MAGI1: variants seen among roughly 807,000 people sequenced by gnomAD.
MAGI1 encodes membrane-associated guanylate kinase, WW and PDZ domain-containing protein 1.
A neutral mutation model predicts 139.9 loss-of-function variants in MAGI1; 58 were observed. The ratio of observed to expected loss-of-function variants is 0.41; its 90% CI spans 0.34 to 0.52. The LOEUF (loss-of-function observed/expected upper bound fraction) is 0.52. Among genes scored for constraint, MAGI1 ranks in the 20% least tolerant of loss-of-function variants. MAGI1 has a pLI of 0.12. For missense variants in MAGI1, 1,874 were observed against 1,901.6 expected, an observed-to-expected ratio of 0.99 and a Z score of 0.27; for synonymous variants, 812 against 737.9, an observed-to-expected ratio of 1.10 and a Z score of -1.63.
At chr3:65,791,319 A>T (rs1367139593) in intron 1 of MAGI1, among the ~76,000 whole-genome samples, 1 of 152,232 alleles carries the variant, frequency 6.6e-6, no homozygotes, top group Non-Finnish European at 1.5e-5. Context: ...TTCTAGGTAC[A>T]GTCAGCCCTT....
intron 1 of MAGI1, among the ~76,000 whole-genome samples, chr3:65,924,069 G>A (rs2062372430): frequency 6.6e-6 from 1 of 152,150 alleles, no homozygotes; most frequent in Admixed American, 6.5e-5. Flanking sequence ...AATAATTCAA[G>A]GAGATGTATG....
chr3:65,664,165 G>T (rs377414739), intron 1 of MAGI1, among the ~76,000 whole-genome samples: 7 of 152,054 alleles, frequency 4.6e-5, no homozygotes, highest in African/African-American at 1.7e-4. Context: ...TGTCACCTAG[G>T]ATATTTCACA....
At chr3:65,888,950 T>C (rs1475902466) in intron 1 of MAGI1, among the ~76,000 whole-genome samples, 1 of 152,224 alleles carries the variant, frequency 6.6e-6, no homozygotes, top group Non-Finnish European at 1.5e-5. Flanking sequence ...TGTGTATGTT[T>C]ATGTATATAT....
intron 2 of MAGI1, among the ~76,000 whole-genome samples, chr3:65,570,082 T>TATC (rs1455311379): frequency 3.5e-4 from 27 of 77,884 alleles, no homozygotes; most frequent in East Asian, 1.6e-3. Flanking sequence ...TCATTATTAT[T>TATC]ATTATTATTA....
At chr3:65,719,612 C>T (rs956731022) in intron 1 of MAGI1, among the ~76,000 whole-genome samples, 1 of 150,624 alleles carries the variant, frequency 6.6e-6, no homozygotes, top group African/African-American at 2.4e-5. Flanking sequence ...GTGGCATAAT[C>T]ACAGCTCACT....
chr3:65,787,612 T>C (rs1404449013), intron 1 of MAGI1, among the ~76,000 whole-genome samples: 1 of 150,504 alleles, frequency 6.6e-6, no homozygotes, highest in Non-Finnish European at 1.5e-5. Flanking sequence ...CCCTGCCCTC[T>C]GGGACTGCAC....
chr3:65,424,720 T>A (rs12485896), intron 12 of MAGI1, among the ~76,000 whole-genome samples: 8,135 of 152,202 alleles, frequency 0.053, 293 homozygotes, highest in South Asian at 0.12. Context: ...ACTTTAAAAG[T>A]TGAACATTAC....
At chr3:65,455,136 T>C (rs1949306984) in intron 5 of MAGI1, among the ~76,000 whole-genome samples, 1 of 152,114 alleles carries the variant, frequency 6.6e-6, no homozygotes, top group East Asian at 1.9e-4. Flanking sequence ...CAAAAATAAC[T>C]GTAGATTCAC....
At chr3:65,409,693 A>G (rs72892356) in intron 12 of MAGI1, among the ~76,000 whole-genome samples, 2,941 of 152,200 alleles carry the variant, frequency 0.019, 97 homozygotes, top group African/African-American at 0.067. Flanking sequence ...TAATTTTTCA[A>G]TACAAATATG....
intron 1 of MAGI1, among the ~76,000 whole-genome samples, chr3:65,925,552 A>G (rs148619148): frequency 6.6e-6 from 1 of 152,354 alleles, no homozygotes; most frequent in East Asian, 1.9e-4. Context: ...TCCTCTTTCT[A>G]TTTCTATAAC....
chr3:65,504,984 T>A (rs1421396976), intron 2 of MAGI1, among the ~76,000 whole-genome samples: 2 of 152,172 alleles, frequency 1.3e-5, no homozygotes, highest in Non-Finnish European at 2.9e-5. Flanking sequence ...AAATAAAGGA[T>A]AAGAATCTTC....
At chr3:65,377,961 G>A (rs536202749) in intron 17 of MAGI1, among the ~76,000 whole-genome samples, 5 of 152,304 alleles carry the variant, frequency 3.3e-5, no homozygotes, top group African/African-American at 1.2e-4. Context: ...GTAGCACCTT[G>A]CTGATTCTAG....
chr3:65,466,423 G>A (rs562019114), intron 5 of MAGI1, among the ~76,000 whole-genome samples: 3 of 152,248 alleles, frequency 2.0e-5, no homozygotes, highest in South Asian at 4.1e-4. Flanking sequence ...ACTTTTAGGT[G>A]GGGTCTCCAT....
rs979571967 is a variant in MAGI1, at chr3:66,025,462, C to T, written c.313+12534G>A. ...GGCTGGGATGGGAAGATCGCTTGAG[C>T]CCAGGAGATACAGGTGAGCCAAGAC... On this transcript the variant is annotated intron_variant, in intron 1 of 22. Coordinates refer to ENST00000402939, the MANE Select transcript of MAGI1 (RefSeq NM_001033057.2). 1.8e-4 allele frequency among the ~76,000 whole-genome samples: 27 copies of T among 152,224 alleles called. No homozygotes were observed. In the East Asian group the frequency reaches 4.6e-3, roughly 26 times the overall value.
At chr3:65,979,303 A>G (rs1365252316) in intron 1 of MAGI1, among the ~76,000 whole-genome samples, 1 of 152,066 alleles carries the variant, frequency 6.6e-6, no homozygotes, top group Non-Finnish European at 1.5e-5. Context: ...CGGGGTGGAA[A>G]AGTAGCCTGT....
At position 65,379,515 on chromosome 3, in the gene MAGI1, G is replaced by A. The variant is rs754063810; in HGVS notation, c.2741C>T (p.Ser914Phe). 6.2e-7 allele frequency: 1 copy of A among 1,612,932 alleles called. No individual in the cohort carries two copies. The highest frequency in any genetic ancestry group is 1.3e-5 in the African/African-American group (1 of 74,894). The change falls in exon 17 of 23, where the codon TCT (serine) becomes TTT (phenylalanine). Residue 914 changes from serine (S) to phenylalanine (F), a missense_variant. Around this residue, in one of 5 missense-constraint regions of MAGI1, gnomAD observed 482 missense variants for 509.6 expected, o/e 0.95. Coordinates refer to ENST00000402939, the MANE Select transcript of MAGI1 (RefSeq NM_001033057.2). ...TENEVPSPAS[S>F]HHSSNQPASL... ...GGCCGGCTGGTTGCTACTGTGATGA[G>A]AGGAGGCTGGCGAGGGCACCTCGTT...
At chr3:65,507,202 A>G (rs956276572) in intron 2 of MAGI1, among the ~76,000 whole-genome samples, 4 of 152,242 alleles carry the variant, frequency 2.6e-5, no homozygotes, top group Non-Finnish European at 5.9e-5. Context: ...TAAAATTTCT[A>G]GCCACACAGC....
At chr3:65,836,758 C>T (rs1172589074) in intron 1 of MAGI1, among the ~76,000 whole-genome samples, 3 of 151,988 alleles carry the variant, frequency 2.0e-5, no homozygotes, top group African/African-American at 7.3e-5. Context: ...GCGGAGGTTG[C>T]AGCCTGGGCG....
chr3:65,462,631 G>GTA (rs937616414), intron 5 of MAGI1, among the ~76,000 whole-genome samples: 1 of 152,200 alleles, frequency 6.6e-6, no homozygotes, highest in Non-Finnish European at 1.5e-5. Flanking sequence ...GAAATTTAAA[G>GTA]TAGTTTTTTC....
Sources: allele counts gnomAD v4.1 joint callset (sites outside exome capture counted in the v4.1 genomes callset), GRCh38; gene constraint gnomAD v4.1.1; regional missense constraint gnomAD v4.1.1; transcripts MANE v1.5; gene names NCBI Gene and HGNC (gene_info 2026-07-23, HGNC 2026-07-21).